Variants in DNAH14 observed in about 807,000 individuals in gnomAD.
DNAH14 encodes the protein axonemal beta dynein heavy chain 14.
A neutral mutation model predicts 520.9 loss-of-function variants in DNAH14; 478 were observed. The observed-to-expected ratio is 0.92, with a 90% CI of 0.85 to 0.99. The LOEUF (loss-of-function observed/expected upper bound fraction) is 0.99, where lower values mean the gene tolerates loss of function less well. Ranked by LOEUF, DNAH14 falls within the 50% of genes least tolerant of loss-of-function variation. The probability of loss-of-function intolerance (pLI) is 0.00; values close to 1 mark genes in which losing one functional copy is unlikely to be tolerated. For synonymous variants in DNAH14, 1,581 were observed against 1,757.2 expected (o/e 0.90, Z 2.51); for missense variants, 4,831 against 5,234.5 (o/e 0.92, Z 2.38).
chr1:225,259,643 A>C (rs542269212), intron 46 of DNAH14, among the ~76,000 whole-genome samples: 1 of 152,326 alleles, frequency 6.6e-6, no homozygotes, highest in South Asian at 2.1e-4. Context: ...CATGCTGTGC[A>C]ATAGATGTCG....
chr1:225,363,900 C>T (rs374127097), intron 75 of DNAH14, among the ~76,000 whole-genome samples: 17 of 152,246 alleles, frequency 1.1e-4, no homozygotes, highest in East Asian at 7.7e-4. Flanking sequence ...CTACCTAGTA[C>T]GAGTCAGCAA....
chr1:224,996,755 C>A (rs2063417536), intron 8 of DNAH14, among the ~76,000 whole-genome samples: 1 of 152,104 alleles, frequency 6.6e-6, no homozygotes, highest in South Asian at 2.1e-4. Context: ...TTGAGTTCTG[C>A]AGTTGGATGG....
intron 44 of DNAH14, among the ~76,000 whole-genome samples, chr1:225,257,544 TC>T (rs1474492137): frequency 1.3e-5 from 2 of 151,842 alleles, no homozygotes; most frequent in Non-Finnish European, 2.9e-5. Context: ...TTTTTTTCTT[TC>T]TTTTTTTTTT....
chr1:225,050,229 C>T lies in DNAH14; in HGVS notation c.1932C>T (p.Cys644=). ...EKCITTITPL[C]QDPQLSIFID... ...TTTTAGCCACAATTACTCCTCTTTG[C>T]CAAGATCCCCAGCTGTCTATCTTCA... The change falls in exon 16 of 86, where the codon TGC becomes TGT. Residue 644 remains cysteine, a synonymous_variant. Coordinates refer to ENST00000682510, the MANE Select transcript of DNAH14 (RefSeq NM_001367479.1). The T allele has an allele frequency of 6.5e-7, 1 of 1,537,520 alleles. No homozygotes were observed. The highest frequency in any genetic ancestry group is 1.3e-5 in the South Asian group (1 of 79,358).
In DNAH14 at chr1:225,388,312, AGAAATGTT is replaced by A. The variant is rs2150813828; in HGVS notation, c.13078-66_13078-59del. On this transcript the variant is annotated intron_variant, in intron 81 of 85. Coordinates refer to ENST00000682510, the MANE Select transcript of DNAH14 (RefSeq NM_001367479.1). ...AATTGAGTCTATTACCAAGGTTTGC[AGAAATGTT>A]CCTAATGACCCCAAAGACAAAGAAA... 3.2e-6 allele frequency: 3 copies of A among 926,322 alleles called. No homozygotes were observed. In the Admixed American group the frequency reaches 6.9e-5, roughly 21 times the overall value. The allele number at this position is 926,322 out of a possible 1,614,324, so 57.4% of individuals were successfully genotyped here. A position where few individuals can be genotyped will look rare whatever the true frequency, so the allele number is the denominator to read the frequency against.
rs1559282097 is a variant in DNAH14 at position 225,204,241 on chromosome 1, T to C, written c.5945T>C (p.Ile1982Thr). The C allele has an allele frequency of 6.7e-7, 1 of 1,494,664 alleles. No homozygotes were observed. The highest frequency in any genetic ancestry group is 2.7e-5 in the East Asian group (1 of 37,538). The allele number at this position is 1,494,664 out of a possible 1,614,324, so 92.6% of individuals were successfully genotyped here. The change falls in exon 39 of 86, where the codon ATA (isoleucine) becomes ACA (threonine). Residue 1982 changes from isoleucine (I) to threonine (T), a missense_variant. By Grantham distance (89) the Ile-to-Thr change is moderately conservative. Transcript: ENST00000682510. ...ACTGATGATAATATTTTTGAGGAGA[T>C]AGAGAAAGTTGTTAAAATTCCAGAA... ...TETDDNIFEE[I>T]EKVVKIPENH...
At chr1:225,392,541 C>T (rs184631904) in intron 84 of DNAH14, 90 bp downstream of exon 84, 1 of 1,454,022 alleles carries the variant, frequency 6.9e-7, no homozygotes, top group East Asian at 2.5e-5. Context: ...AACCTTTACT[C>T]AGCACTTACC....
intron 27 of DNAH14, among the ~76,000 whole-genome samples, chr1:225,139,951 A>T (rs929605728): frequency 1.3e-5 from 2 of 152,224 alleles, no homozygotes; most frequent in Non-Finnish European, 2.9e-5. Flanking sequence ...TAGGAAAGCC[A>T]GTTCATTTCT....
chr1:225,090,513 A>G (rs1407124208), intron 21 of DNAH14, among the ~76,000 whole-genome samples: 3 of 152,186 alleles, frequency 2.0e-5, no homozygotes, highest in Non-Finnish European at 4.4e-5. Flanking sequence ...TTATCAAAAC[A>G]GTATTTTTTG....
intron 81 of DNAH14, among the ~76,000 whole-genome samples, chr1:225,383,930 A>T (rs1248256550): frequency 6.6e-6 from 1 of 152,106 alleles, no homozygotes; most frequent in Non-Finnish European, 1.5e-5. Flanking sequence ...AGATTCTGGT[A>T]TGTTGTGTCT....
intron 71 of DNAH14, among the ~76,000 whole-genome samples, chr1:225,349,577 C>G (rs2095335719): frequency 6.6e-6 from 1 of 152,096 alleles, no homozygotes; most frequent in South Asian, 2.1e-4. Context: ...TCTAAAGAAA[C>G]ATATAGGCTG....
At chr1:224,982,254 A>G (rs917644408) in intron 8 of DNAH14, among the ~76,000 whole-genome samples, 11 of 152,198 alleles carry the variant, frequency 7.2e-5, no homozygotes, top group African/African-American at 2.4e-4. Context: ...CTAGAGTGCA[A>G]GCTGCTCAGG....
At chr1:225,067,332 T>C (rs1387817298) in intron 17 of DNAH14, among the ~76,000 whole-genome samples, 1 of 152,200 alleles carries the variant, frequency 6.6e-6, no homozygotes, top group East Asian at 1.9e-4. Flanking sequence ...TTCCATAGTG[T>C]ATACATACCA....
chr1:225,390,948 G>A (rs899063658), intron 83 of DNAH14, among the ~76,000 whole-genome samples: 1 of 151,938 alleles, frequency 6.6e-6, no homozygotes, highest in Non-Finnish European at 1.5e-5. Context: ...GGGGTGGGGG[G>A]AAACTAATAG....
At chr1:225,159,710 AGGATGATCATTATATATT>A (rs2081357351) in intron 35 of DNAH14, among the ~76,000 whole-genome samples, 1 of 152,216 alleles carries the variant, frequency 6.6e-6, no homozygotes, top group Non-Finnish European at 1.5e-5. Flanking sequence ...CCTTTAGGCA[AGGATGATCATTATATATT>A]TTGTTTCTCA....
At chr1:225,133,634 T>C (rs1458151959) in intron 27 of DNAH14, among the ~76,000 whole-genome samples, 2 of 152,334 alleles carry the variant, frequency 1.3e-5, no homozygotes, top group East Asian at 3.9e-4. Flanking sequence ...TGTAGCCTTG[T>C]AGTATAGTTT....
At chr1:225,238,562 G>A (rs888475028) in intron 42 of DNAH14, among the ~76,000 whole-genome samples, 1 of 152,124 alleles carries the variant, frequency 6.6e-6, no homozygotes, top group Non-Finnish European at 1.5e-5. Flanking sequence ...GTCTGGAGAC[G>A]CCTGTTGGGA....
chr1:225,357,364 T>C (rs2095441567), intron 73 of DNAH14, among the ~76,000 whole-genome samples: 1 of 151,080 alleles, frequency 6.6e-6, no homozygotes, highest in Admixed American at 6.6e-5. Flanking sequence ...AGTGGAGAAA[T>C]GTAACAAAAT....
intron 27 of DNAH14, among the ~76,000 whole-genome samples, chr1:225,129,691 G>A (rs911563187): frequency 2.0e-5 from 3 of 151,382 alleles, no homozygotes; most frequent in African/African-American, 4.8e-5. Context: ...AGACTTAAAC[G>A]TTAGACCTAA....
Sources: allele counts gnomAD v4.1 joint callset (sites outside exome capture counted in the v4.1 genomes callset), GRCh38; gene constraint gnomAD v4.1.1; transcripts MANE v1.5; gene names NCBI Gene and HGNC (gene_info 2026-07-23, HGNC 2026-07-21).